TRDN: variants seen among roughly 807,000 people sequenced by gnomAD.
TRDN encodes the protein triadin in skeletal muscle.
TRDN carries 161 observed loss-of-function variants against 149.7 expected under a neutral mutation model. The observed-to-expected ratio is 1.08, with a 90% CI of 0.95 to 1.23. TRDN has a LOEUF of 1.23. Ranked by LOEUF, TRDN falls within the 50% of genes most tolerant of loss-of-function variation. The pLI is 0.00. For missense variants in TRDN, 896 were observed against 823.5 expected (o/e 1.09, Z -1.08); for synonymous variants, 294 against 250.5 (o/e 1.17, Z -1.64).
chr6:123,599,482 A>G (rs896566140), intron 1 of TRDN, among the ~76,000 whole-genome samples: 2 of 151,850 alleles, frequency 1.3e-5, no homozygotes, highest in African/African-American at 4.8e-5. Flanking sequence ...AGGTAAAACT[A>G]TGCATTTTCA....
chr6:123,518,253 G>T (rs1039585011), intron 5 of TRDN, among the ~76,000 whole-genome samples: 1 of 151,858 alleles, frequency 6.6e-6, no homozygotes, highest in African/African-American at 2.4e-5. Flanking sequence ...TTGTTTATTC[G>T]CTACTCAGTT....
chr6:123,355,525 A>ATC (rs1379545234), intron 20 of TRDN, among the ~76,000 whole-genome samples: 2 of 151,712 alleles, frequency 1.3e-5, no homozygotes, highest in Non-Finnish European at 3.0e-5. Flanking sequence ...TAGGTTTAAG[A>ATC]TAATTCTTGA....
At chr6:123,602,676 G>A (rs948873405) in intron 1 of TRDN, among the ~76,000 whole-genome samples, 1 of 152,040 alleles carries the variant, frequency 6.6e-6, no homozygotes, top group Non-Finnish European at 1.5e-5. Flanking sequence ...TCCATGTGAA[G>A]GGTACTGCTG....
intron 20 of TRDN, among the ~76,000 whole-genome samples, chr6:123,356,503 T>TTATATATATATATATA (rs71021444): frequency 3.7e-5 from 4 of 106,978 alleles, no homozygotes; most frequent in Non-Finnish European, 5.8e-5. Flanking sequence ...TACAAGAAGT[T>TTATATATATATATATA]TATATATATA....
intron 11 of TRDN, 25 bp from the exon 12 acceptor site, chr6:123,438,147 A>G: frequency 6.5e-7 from 1 of 1,545,078 alleles, no homozygotes. Context: ...AGAAAGTTAT[A>G]AGCCTTTACC....
At chr6:123,559,857 T>C (rs1183988825) in intron 2 of TRDN, among the ~76,000 whole-genome samples, 1 of 152,180 alleles carries the variant, frequency 6.6e-6, no homozygotes, top group Non-Finnish European at 1.5e-5. Context: ...CCACAATCCA[T>C]TATTCTGTTC....
At chr6:123,409,168 A>G (rs1473725844) in intron 12 of TRDN, among the ~76,000 whole-genome samples, 2 of 152,208 alleles carry the variant, frequency 1.3e-5, no homozygotes, top group African/African-American at 4.8e-5. Flanking sequence ...TAACTACAAT[A>G]ATAATATCAT....
At position 123,611,098 on chromosome 6, in the gene TRDN, G is replaced by C. The variant is rs190280693; in HGVS notation, c.22+25656C>G. ...AAGACTATTTACCTTAGTCATTTGTGAGCATTCTTAGAGCTGAAAGAAGTA... is the reference window on the plus strand; with the variant it reads ...AAGACTATTTACCTTAGTCATTTGTCAGCATTCTTAGAGCTGAAAGAAGTA... On this transcript the variant is annotated intron_variant, in intron 1 of 40. Transcript: ENST00000334268. Among the ~76,000 whole-genome samples, 6 of 152,294 alleles carry C rather than the reference G, an allele frequency of 3.9e-5. No homozygotes were observed. The East Asian group carries it at 1.2e-3, about 29-fold the overall frequency.
In TRDN at chr6:123,543,246, C is replaced by T. The variant is rs73770165; in HGVS notation, c.424+4094G>A. 3.2e-3 allele frequency among the ~76,000 whole-genome samples: 487 copies of T among 152,196 alleles called. 2 individuals are homozygous for T. The highest frequency in any genetic ancestry group is 0.011 in the African/African-American group (474 of 41,536). On this transcript the variant is annotated intron_variant, in intron 4 of 40. Coordinates refer to ENST00000334268, the MANE Select transcript of TRDN (RefSeq NM_006073.4). Reference sequence around the variant, plus strand: ...TGCATTGATCCTGATGCTAGCAATACCACATCAAAACTCCATTACTGTCAT... The same window carrying T: ...TGCATTGATCCTGATGCTAGCAATATCACATCAAAACTCCATTACTGTCAT...
chr6:123,278,232 A>G, intron 26 of TRDN, 86 bp downstream of exon 26: 1 of 922,980 alleles, frequency 1.1e-6, no homozygotes, highest in Non-Finnish European at 1.5e-6. Context: ...AAATATTTGT[A>G]CTAGGACATG....
chr6:123,605,176 C>A (rs1784468949), intron 1 of TRDN, among the ~76,000 whole-genome samples: 1 of 150,638 alleles, frequency 6.6e-6, no homozygotes, highest in Non-Finnish European at 1.5e-5. Context: ...CTTCTATCCT[C>A]ATTTTATTCT....
intron 35 of TRDN, among the ~76,000 whole-genome samples, chr6:123,256,978 CT>C (rs1457845805): frequency 1.1e-5 from 1 of 92,050 alleles, no homozygotes; most frequent in Non-Finnish European, 1.9e-5. Context: ...TTTTTCTTTT[CT>C]TTTCTTTCTT....
chr6:123,509,384 T>C (rs1454599685), intron 7 of TRDN: 2 of 152,178 alleles, frequency 1.3e-5, no homozygotes, highest in African/African-American at 4.8e-5. Flanking sequence ...TGATTGAATA[T>C]GACTTCCATG....
intron 38 of TRDN, among the ~76,000 whole-genome samples, chr6:123,233,576 T>A (rs997732202): frequency 6.6e-6 from 1 of 152,088 alleles, no homozygotes; most frequent in Non-Finnish European, 1.5e-5. Context: ...GGACCCAAAG[T>A]CTAATAATGA....
At chr6:123,293,794 T>C (rs893111890) in intron 24 of TRDN, among the ~76,000 whole-genome samples, 4 of 146,764 alleles carry the variant, frequency 2.7e-5, no homozygotes, top group Admixed American at 2.0e-4. Context: ...TAGGAGTAGC[T>C]TTCCCCTGTA....
intron 1 of TRDN, among the ~76,000 whole-genome samples, chr6:123,580,491 T>G (rs1390651050): frequency 2.6e-5 from 4 of 152,178 alleles, no homozygotes; most frequent in Non-Finnish European, 5.9e-5. Flanking sequence ...CACCTGCATA[T>G]TTTTCTTGTT....
At chr6:123,335,283 T>A (rs1481007969) in intron 22 of TRDN, among the ~76,000 whole-genome samples, 1 of 151,848 alleles carries the variant, frequency 6.6e-6, no homozygotes, top group Non-Finnish European at 1.5e-5. Context: ...CCTAAATCAA[T>A]AATCATATGC....
intron 21 of TRDN, among the ~76,000 whole-genome samples, chr6:123,347,231 G>A (rs749349512): frequency 7.2e-5 from 11 of 152,040 alleles, no homozygotes; most frequent in Non-Finnish European, 1.6e-4. Flanking sequence ...TTTGCTAAGA[G>A]AATATAGTAC....
intron 12 of TRDN, among the ~76,000 whole-genome samples, chr6:123,432,833 A>C (rs1774388395): frequency 6.6e-6 from 1 of 152,000 alleles, no homozygotes; most frequent in Admixed American, 6.6e-5. Flanking sequence ...CCAAGCTCTT[A>C]ACTTTTCCTT....
Sources: allele counts gnomAD v4.1 joint callset (sites outside exome capture counted in the v4.1 genomes callset), GRCh38; gene constraint gnomAD v4.1.1; transcripts MANE v1.5; gene names NCBI Gene and HGNC (gene_info 2026-07-23, HGNC 2026-07-21).